The following ANKRD13A variants were observed in gnomAD, a reference collection of about 807,000 sequenced individuals.
The protein encoded by ANKRD13A is ankyrin repeat domain-containing protein 13A.
In ANKRD13A, 48 loss-of-function variants were observed where a neutral mutation model predicts 81.3. The ratio of observed to expected loss-of-function variants is 0.59; its 90% CI spans 0.47 to 0.75. ANKRD13A has a LOEUF of 0.75. ANKRD13A is among the 30% of genes least tolerant of loss of function. ANKRD13A has a pLI of 0.00. For missense variants in ANKRD13A, 612 were observed against 734.0 expected (o/e 0.83, Z 1.92); for synonymous variants, 230 against 270.1 (o/e 0.85, Z 1.45).
At chr12:110,003,834 C>A (rs1000908268) in intron 1 of ANKRD13A, among the ~76,000 whole-genome samples, 63 of 151,908 alleles carry the variant, frequency 4.1e-4, no homozygotes, top group African/African-American at 1.5e-3. Flanking sequence ...ACCAGCCTGG[C>A]CAATATAGTA....
rs370048110 is a variant in ANKRD13A, at chr12:110,036,369, A to G, written c.1577+41A>G. The G allele has an allele frequency of 7.5e-6, 12 of 1,592,014 alleles. No individual in the cohort carries two copies. In the African/African-American group the frequency reaches 1.3e-4, roughly 18 times the overall value. On this transcript the variant is annotated intron_variant, in intron 14 of 14. Coordinates refer to ENST00000261739, the MANE Select transcript of ANKRD13A (RefSeq NM_033121.2). The surrounding 1 kb of genome is among the most constrained non-coding windows in gnomAD (Gnocchi z 4.6). Reference sequence around the variant, plus strand: ...GACTCTGGAATAAACCAGGGTGAACACAGGCCTGGACACAGGCGAGCAGAC... The same window carrying G: ...GACTCTGGAATAAACCAGGGTGAACGCAGGCCTGGACACAGGCGAGCAGAC...
intron 1 of ANKRD13A, among the ~76,000 whole-genome samples, chr12:110,000,925 T>G (rs1389188621): frequency 1.3e-5 from 2 of 151,328 alleles, no homozygotes; most frequent in Non-Finnish European, 2.9e-5. Context: ...GCCCGGCTAA[T>G]TTTGTATTTT....
At position 110,039,035 on chromosome 12, in the gene ANKRD13A, T is replaced by C. The variant is rs1056140536; in HGVS notation, c.*1481T>C. Reference sequence around the variant, plus strand: ...GTGAAACGTTCCCAGATACAAAGAATTGTGCTTTTAATTCCATTTCACAAT... The same window carrying C: ...GTGAAACGTTCCCAGATACAAAGAACTGTGCTTTTAATTCCATTTCACAAT... On this transcript the variant is annotated 3_prime_UTR_variant, in exon 15 of 15. Transcript: ENST00000261739. 6.6e-6 allele frequency: 1 copy of C among 152,158 alleles called. No homozygotes were observed. Among genetic ancestry groups the C allele is most frequent in the Non-Finnish European group, 1.5e-5 (1 of 68,028 alleles). 9.4% of individuals were successfully genotyped at this position (152,158 alleles called of 1,614,324 possible). A position where few individuals can be genotyped will look rare whatever the true frequency, so the allele number is the denominator to read the frequency against.
chr12:110,003,012 G>T (rs1409751478), intron 1 of ANKRD13A, among the ~76,000 whole-genome samples: 1 of 152,198 alleles, frequency 6.6e-6, no homozygotes, highest in Admixed American at 6.5e-5. Context: ...TTAATATTCA[G>T]TGGGGCCTTG....
At chr12:110,012,602 G>T (rs149720161) in intron 2 of ANKRD13A, among the ~76,000 whole-genome samples, 4 of 152,282 alleles carry the variant, frequency 2.6e-5, no homozygotes, top group African/African-American at 7.2e-5. Flanking sequence ...CACGAATGTG[G>T]AGGCCAGTTT....
intron 3 of ANKRD13A, among the ~76,000 whole-genome samples, chr12:110,014,801 T>TTTTTTTTTTTTTTA (rs1411282830): frequency 6.6e-6 from 1 of 151,426 alleles, no homozygotes; most frequent in Admixed American, 6.6e-5. Context: ...TTTTTTTTTT[T>TTTTTTTTTTTTTTA]GAGACGGAAT....
rs1426663026 is a variant in ANKRD13A at position 110,038,084 on chromosome 12, C to A, written c.*530C>A. ...GGGTTTCTAGGACATTGTCATTATT[C>A]TTCCTCCATCTATCTGATTCCATTC... On this transcript the variant is annotated 3_prime_UTR_variant, in exon 15 of 15. Transcript: ENST00000261739. 6.6e-6 allele frequency: 1 copy of A among 152,628 alleles called. No homozygotes were observed. Among genetic ancestry groups the A allele is most frequent in the African/African-American group, 2.4e-5 (1 of 41,446 alleles). 9.5% of individuals were successfully genotyped at this position (152,628 alleles called of 1,614,324 possible).
intron 3 of ANKRD13A, 144 bp downstream of exon 3, chr12:110,013,393 C>T (rs886288538): frequency 5.7e-6 from 6 of 1,051,618 alleles, no homozygotes; most frequent in African/African-American, 1.6e-5. Flanking sequence ...CACATTATTC[C>T]TTGCCCTTCT....
chr12:110,028,800 C>T lies in ANKRD13A; in HGVS notation c.1076+158C>T, dbSNP rs113360622. 85 of 891,376 alleles carry T rather than the reference C, an allele frequency of 9.5e-5. No individual in the cohort carries two copies. In the East Asian group the frequency reaches 1.1e-3, roughly 12 times the overall value. The allele number at this position is 891,376 out of a possible 1,614,324, so 55.2% of individuals were successfully genotyped here. ...TCGCCTAGGCTGGAGTGCAGTGGCACGAACTCGGCTCACTGCAACCTCTGC... is the reference window on the plus strand; with the variant it reads ...TCGCCTAGGCTGGAGTGCAGTGGCATGAACTCGGCTCACTGCAACCTCTGC... On this transcript the variant is annotated intron_variant, in intron 10 of 14. Coordinates refer to ENST00000261739, the MANE Select transcript of ANKRD13A (RefSeq NM_033121.2).
chr12:110,005,634 C>T (rs990782566), intron 1 of ANKRD13A, among the ~76,000 whole-genome samples: 3 of 152,148 alleles, frequency 2.0e-5, no homozygotes, highest in Non-Finnish European at 2.9e-5. Context: ...GGTTCATCTA[C>T]GTTGTGGCAT....
intron 3 of ANKRD13A, 33 bp from the exon 4 acceptor site, chr12:110,016,355 G>T (rs757233645): frequency 2.6e-6 from 4 of 1,547,326 alleles, no homozygotes; most frequent in Non-Finnish European, 3.5e-6. Flanking sequence ...AGTGCCAAGG[G>T]TAATCTGTTT....
chr12:110,027,859 A>G (rs1891431381), intron 9 of ANKRD13A, 93 bp downstream of exon 9: 1 of 1,301,940 alleles, frequency 7.7e-7, no homozygotes, highest in East Asian at 2.3e-5. Context: ...TGAACAGCCC[A>G]CTCTATGTAA....
chr12:110,001,418 CTCTTT>C (rs1389321174), intron 1 of ANKRD13A, among the ~76,000 whole-genome samples: 1 of 151,350 alleles, frequency 6.6e-6, no homozygotes, highest in Non-Finnish European at 1.5e-5. Flanking sequence ...CAAAATTACC[CTCTTT>C]TCTTTTCTGT....
chr12:110,002,340 G>C (rs922310482), intron 1 of ANKRD13A, among the ~76,000 whole-genome samples: 1 of 152,076 alleles, frequency 6.6e-6, no homozygotes, highest in Non-Finnish European at 1.5e-5. Flanking sequence ...CTTAAGTCCG[G>C]GCACGGTGGC....
intron 6 of ANKRD13A, among the ~76,000 whole-genome samples, chr12:110,020,733 C>T (rs1317247510): frequency 6.6e-6 from 1 of 152,242 alleles, no homozygotes; most frequent in African/African-American, 2.4e-5. Flanking sequence ...AGGAAGCTGC[C>T]TTTTCTGCCA....
rs1891843425 is a variant in ANKRD13A, at chr12:110,033,637, CTT to C, written c.1349-155_1349-154del. ...AAAAGAAAAAAGCTGTATTCTGTCA[CTT>C]TTTTCTGTCATGCTTCCTCAGAATC... is the stretch of plus-strand genomic sequence containing the variant. On this transcript the variant is annotated intron_variant, in intron 12 of 14. Transcript: ENST00000261739. Among the ~76,000 whole-genome samples, 6 of 152,064 alleles carry C rather than the reference CTT, an allele frequency of 3.9e-5. No individual in the cohort carries two copies. The South Asian group carries it at 1.2e-3, about 31-fold the overall frequency.
In ANKRD13A at chr12:110,013,116, G is replaced by C; in HGVS notation, c.230-9G>C. On this transcript the variant is annotated splice_polypyrimidine_tract_variant and intron_variant, in intron 2 of 14. Transcript: ENST00000261739. ...TATGAGAATTAAATTTCACCCTTTT[G>C]TTTTCTAGTTTTACATGAGGCTGTG... 6.2e-7 allele frequency: 1 copy of C among 1,611,916 alleles called. No individual in the cohort carries two copies. The highest frequency in any genetic ancestry group is 8.5e-7 in the Non-Finnish European group (1 of 1,179,446).
rs1333719473 is a variant in ANKRD13A at position 110,030,756 on chromosome 12, C to T, written c.1346C>T (p.Ser449Leu). The T allele has an allele frequency of 1.3e-6, 2 of 1,566,980 alleles. No homozygotes were observed. Among genetic ancestry groups the T allele is most frequent in the Non-Finnish European group, 1.7e-6 (2 of 1,154,680 alleles). Reference protein sequence around the residue: ...SQNVEGTQADSASHITNFEVD... With the variant: ...SQNVEGTQADLASHITNFEVD... ...AATGTGGAAGGGACCCAGGCTGATT[C>T]AGGTAAAAAAATAAATAAATACAAA... The change falls in exon 12 of 15, where the codon TCA becomes TTA. Residue 449 changes from serine (S) to leucine (L), a missense_variant and splice_region_variant. Ser to Leu is a moderately radical substitution (Grantham distance 145, BLOSUM62 -2). Transcript: ENST00000261739.
At chr12:110,001,230 T>G (rs373472910) in intron 1 of ANKRD13A, among the ~76,000 whole-genome samples, 4 of 151,716 alleles carry the variant, frequency 2.6e-5, no homozygotes, top group African/African-American at 9.7e-5. Context: ...ACCTGGTTTT[T>G]GAATGGCTCA....
Sources: gnomAD v4.1 joint callset for allele counts (sites outside exome capture counted in the v4.1 genomes callset) on GRCh38, gnomAD v4.1.1 for gene constraint, Gnocchi (gnomAD v3.1) non-coding constraint, MANE v1.5 for transcripts, NCBI Gene and HGNC (gene_info 2026-07-23, HGNC 2026-07-21) for gene names.